Variants in MAST2 observed in about 807,000 individuals in gnomAD.
MAST2 encodes the protein microtubule associated serine/threonine kinase 2.
Under a neutral mutation model 147.4 loss-of-function variants are expected in MAST2, and 70 were observed. The ratio of observed to expected loss-of-function variants is 0.47; its 90% CI spans 0.39 to 0.58. The LOEUF is 0.58. Ranked by LOEUF, MAST2 falls within the 20% of genes least tolerant of loss-of-function variation. The pLI, the probability that MAST2 is intolerant of heterozygous loss-of-function variation, is 0.00. For synonymous variants in MAST2, 869 were observed against 896.8 expected (o/e 0.97, Z 0.55); for missense variants, 2,080 against 2,302.3 (o/e 0.90, Z 1.98).
Position 46,010,795 on chromosome 1 carries a change from G to T in MAST2, c.1044G>T (p.Leu348=), listed in dbSNP as rs768495138. 1 of 1,614,104 alleles carries T rather than the reference G, an allele frequency of 6.2e-7. No individual in the cohort carries two copies. Among genetic ancestry groups the T allele is most frequent in the African/African-American group, 1.3e-5 (1 of 74,940 alleles). The part of the protein sequence containing the change: ...FISSNTPDSV[L]PLADGALSFI... ...CCTCCAACACTCCAGACAGCGTGCT[G>T]CCCTTGGCAGATGGAGCCCTGAGCT... The change falls in exon 10 of 29, where the codon CTG becomes CTT. Residue 348 remains leucine, a synonymous_variant. Transcript: ENST00000361297.
intron 15 of MAST2, among the ~76,000 whole-genome samples, chr1:46,025,073 C>G (rs1281299222): frequency 6.6e-6 from 1 of 152,162 alleles, no homozygotes; most frequent in East Asian, 1.9e-4. Flanking sequence ...AATCCCAGCA[C>G]TTTGGGAGGC....
intron 3 of MAST2, among the ~76,000 whole-genome samples, chr1:45,850,975 A>T (rs1189093458): frequency 1.3e-5 from 2 of 151,102 alleles, no homozygotes; most frequent in Non-Finnish European, 2.9e-5. Context: ...TGTAAATTTT[A>T]GAATAGTTCT....
At chr1:45,809,065 T>A (rs1348464483) in intron 1 of MAST2, among the ~76,000 whole-genome samples, 1 of 152,222 alleles carries the variant, frequency 6.6e-6, no homozygotes, top group African/African-American at 2.4e-5. Flanking sequence ...AGTATAGTAC[T>A]TGAAACATAG....
chr1:45,921,184 C>A (rs769697262), intron 4 of MAST2, among the ~76,000 whole-genome samples: 1 of 152,042 alleles, frequency 6.6e-6, no homozygotes, highest in African/African-American at 2.4e-5. Context: ...TTAGTAGAGA[C>A]GGGGTTTCAC....
chr1:46,030,539 G>T (rs1646607876), intron 21 of MAST2, 68 bp from the exon 22 acceptor site: 5 of 1,517,602 alleles, frequency 3.3e-6, no homozygotes, highest in Non-Finnish European at 3.5e-6. Flanking sequence ...CGATGCCAAG[G>T]ATGCTTTATG....
chr1:45,821,822 A>G (rs181726841), intron 1 of MAST2, among the ~76,000 whole-genome samples: 26 of 148,620 alleles, frequency 1.7e-4, no homozygotes, highest in African/African-American at 6.2e-4. Context: ...CGGCCTCTTC[A>G]CATGTTCTTA....
At chr1:45,991,682 A>G (rs986315546) in intron 5 of MAST2, among the ~76,000 whole-genome samples, 1 of 152,100 alleles carries the variant, frequency 6.6e-6, no homozygotes, top group African/African-American at 2.4e-5. Flanking sequence ...TTCTGGTATA[A>G]AGGGACACAA....
chr1:45,807,610 C>T (rs1487990643), intron 1 of MAST2, among the ~76,000 whole-genome samples: 1 of 151,524 alleles, frequency 6.6e-6, no homozygotes. Context: ...GGTGGGACCT[C>T]AGCTCACTGC....
intron 12 of MAST2, among the ~76,000 whole-genome samples, chr1:46,022,299 T>A (rs1473745011): frequency 6.6e-6 from 1 of 152,246 alleles, no homozygotes; most frequent in African/African-American, 2.4e-5. Flanking sequence ...CAACCTGGAT[T>A]GCATTGGCCC....
At chr1:45,997,022 A>C (rs1557447058) in intron 5 of MAST2, among the ~76,000 whole-genome samples, 1 of 152,224 alleles carries the variant, frequency 6.6e-6, no homozygotes, top group African/African-American at 2.4e-5. Context: ...ACCAGTCCCC[A>C]GCTGGAAGAT....
chr1:45,867,818 C>CTT (rs1416811919), intron 3 of MAST2, among the ~76,000 whole-genome samples: 1 of 152,158 alleles, frequency 6.6e-6, no homozygotes, highest in Non-Finnish European at 1.5e-5. Context: ...AATTTTGACT[C>CTT]TGAGTGGTTT....
At chr1:46,002,700 C>T in intron 6 of MAST2, 105 bp from the exon 7 acceptor site, 1 of 889,416 alleles carries the variant, frequency 1.1e-6, no homozygotes. Context: ...AAGGAGGAGC[C>T]CTACAGTGAA....
At chr1:45,953,224 A>G (rs374611499) in intron 4 of MAST2, among the ~76,000 whole-genome samples, 9 of 106,916 alleles carry the variant, frequency 8.4e-5, no homozygotes, top group African/African-American at 3.1e-4. Context: ...AATAGAGCAG[A>G]GGTTAAAAAA....
chr1:45,947,185 C>T (rs1310914453), intron 4 of MAST2, among the ~76,000 whole-genome samples: 1 of 151,876 alleles, frequency 6.6e-6, no homozygotes, highest in Admixed American at 6.6e-5. Flanking sequence ...TGAGATACTA[C>T]ATGTAATGCT....
chr1:45,930,580 A>G (rs1196199654), intron 4 of MAST2, among the ~76,000 whole-genome samples: 1 of 152,162 alleles, frequency 6.6e-6, no homozygotes, highest in Non-Finnish European at 1.5e-5. Flanking sequence ...AGCACGGGGT[A>G]GAGTAAAAGG....
chr1:45,913,824 A>G (rs1383445224), intron 4 of MAST2: 11 of 1,215,674 alleles, frequency 9.0e-6, no homozygotes, highest in Non-Finnish European at 1.0e-5. Context: ...TTGAGTAGCC[A>G]GGAGAATGAT....
chr1:45,915,758 T>C (rs1652411783), intron 4 of MAST2, among the ~76,000 whole-genome samples: 1 of 152,016 alleles, frequency 6.6e-6, no homozygotes, highest in Non-Finnish European at 1.5e-5. Flanking sequence ...TCATAGATTT[T>C]TATAATTTCA....
At chr1:45,858,035 C>A (rs1473353372) in intron 3 of MAST2, among the ~76,000 whole-genome samples, 1 of 151,794 alleles carries the variant, frequency 6.6e-6, no homozygotes, top group African/African-American at 2.4e-5. Flanking sequence ...GGGTTGGTTC[C>A]AAGTCTTTGC....
At chr1:45,848,836 C>T (rs935614791) in intron 3 of MAST2, among the ~76,000 whole-genome samples, 1 of 152,140 alleles carries the variant, frequency 6.6e-6, no homozygotes, top group African/African-American at 2.4e-5. Context: ...AAAACCCCAT[C>T]ATCTTGGCCC....
Sources: gnomAD v4.1 joint callset for allele counts (sites outside exome capture counted in the v4.1 genomes callset) on GRCh38, gnomAD v4.1.1 for gene constraint, MANE v1.5 for transcripts, NCBI Gene and HGNC (gene_info 2026-07-23, HGNC 2026-07-21) for gene names.